The following MS4A6E variants were observed in gnomAD, a reference collection of about 807,000 sequenced individuals.
The protein encoded by MS4A6E is membrane-spanning 4-domains subfamily A member 6E.
Under a neutral mutation model 13.2 loss-of-function variants are expected in MS4A6E, and 8 were observed. The observed-to-expected ratio is 0.60, with a 90% confidence interval of 0.35 to 1.09. MS4A6E has a LOEUF of 1.09. Ranked by LOEUF, MS4A6E falls within the 50% of genes least tolerant of loss-of-function variation. MS4A6E has a pLI of 0.02. For synonymous variants in MS4A6E, 72 were observed against 67.6 expected (o/e 1.06, Z -0.32); for missense variants, 177 against 171.1 (o/e 1.03, Z -0.19).
At position 60,339,860 on chromosome 11, in the gene MS4A6E, T is replaced by C; in HGVS notation, c.355-6T>C. The C allele has an allele frequency of 6.2e-7, 1 of 1,612,862 alleles. No individual in the cohort carries two copies. The highest frequency in any genetic ancestry group is 8.5e-7 in the Non-Finnish European group (1 of 1,179,016). ...CATCACTGATATTTTATTTCTTGAC[T>C]TTCAGGGAACTCTGTCTCTGATGCT... On this transcript the variant is annotated splice_polypyrimidine_tract_variant and splice_region_variant and intron_variant, in intron 3 of 4. Coordinates refer to ENST00000684409, the MANE Select transcript of MS4A6E (RefSeq NM_139249.4).
At chr11:60,344,842 A>G (rs1032531940), downstream of MS4A6E, among the ~76,000 whole-genome samples, 2 of 152,154 alleles carry the variant, frequency 1.3e-5, no homozygotes, top group Non-Finnish European at 2.9e-5. Context: ...TAGCACTGTT[A>G]TCTTTCATGG....
intron 2 of MS4A6E, 73 bp from the exon 3 acceptor site, chr11:60,337,668 T>C (rs1285387591): frequency 1.3e-6 from 2 of 1,568,468 alleles, no homozygotes; most frequent in Non-Finnish European, 1.8e-6. Context: ...TAACTTGCAA[T>C]GTAATGGCAA....
At chr11:60,330,667 G>C (rs1164971378) in intron 1 of MS4A6E, among the ~76,000 whole-genome samples, 1 of 151,974 alleles carries the variant, frequency 6.6e-6, no homozygotes, top group Non-Finnish European at 1.5e-5. Context: ...AATTGCTTTT[G>C]GTTTTATTCA....
At chr11:60,337,076 A>C (rs1005634836) in intron 2 of MS4A6E, among the ~76,000 whole-genome samples, 1 of 151,858 alleles carries the variant, frequency 6.6e-6, no homozygotes, top group African/African-American at 2.4e-5. Flanking sequence ...TTGGGCCCGC[A>C]CCTAGACCTC....
At chr11:60,335,468 T>G (rs990695889) in intron 2 of MS4A6E, 1 of 416,430 alleles carries the variant, frequency 2.4e-6, no homozygotes, top group Non-Finnish European at 4.7e-6. Flanking sequence ...TGTTTTCTTC[T>G]TACCTTTTTG....
chr11:60,334,055 G>A (rs1258698565), intron 1 of MS4A6E, among the ~76,000 whole-genome samples: 2 of 152,228 alleles, frequency 1.3e-5, no homozygotes, highest in Non-Finnish European at 2.9e-5. Context: ...AGCAACAGGA[G>A]TGGGCCATGA....
In MS4A6E at chr11:60,337,855, G is replaced by C; in HGVS notation, c.262G>C (p.Asp88His). The C allele has an allele frequency of 6.2e-7, 1 of 1,614,154 alleles. No individual in the cohort carries two copies. The highest frequency in any genetic ancestry group is 1.1e-5 in the South Asian group (1 of 91,070). Reference protein sequence around the residue: ...LNPASLQCKLDEKDIPTRLLL... With the variant: ...LNPASLQCKLHEKDIPTRLLL... ...TCCTGCCTCATTGCAGTGTAAGTTG[G>C]ACGAAAAGGATATACCAACCAGACT... is the stretch of plus-strand genomic sequence containing the variant. The change falls in exon 3 of 5, where the codon GAC (aspartate) becomes CAC (histidine). Residue 88 changes from aspartate to histidine, a missense_variant. Transcript: ENST00000684409.
downstream of MS4A6E, among the ~76,000 whole-genome samples, chr11:60,344,577 A>G (rs1203671996): frequency 3.9e-5 from 6 of 152,242 alleles, no homozygotes; most frequent in Non-Finnish European, 8.8e-5. Context: ...TCCATTGGCT[A>G]GAGACTGGCA....
chr11:60,336,758 A>G (rs1269516971), intron 2 of MS4A6E, among the ~76,000 whole-genome samples: 1 of 151,860 alleles, frequency 6.6e-6, no homozygotes, highest in African/African-American at 2.4e-5. Context: ...ATTAAATAAC[A>G]CTCTACTGTA....
chr11:60,332,381 A>T (rs959924848), intron 1 of MS4A6E, among the ~76,000 whole-genome samples: 4 of 152,242 alleles, frequency 2.6e-5, no homozygotes, highest in African/African-American at 9.6e-5. Flanking sequence ...ATTATGTGTC[A>T]ATGCTCATTA....
intron 1 of MS4A6E, among the ~76,000 whole-genome samples, chr11:60,328,913 T>C (rs1228969534): frequency 6.6e-6 from 1 of 152,256 alleles, no homozygotes; most frequent in South Asian, 2.1e-4. Context: ...GCATTTTTGC[T>C]AAATGACTAG....
chr11:60,344,341 T>C (rs2085246552), downstream of MS4A6E, among the ~76,000 whole-genome samples: 1 of 152,240 alleles, frequency 6.6e-6, no homozygotes, highest in Admixed American at 6.5e-5. Context: ...CTTTGGCATG[T>C]GGGTGAAGTC....
At chr11:60,342,817 G>C (rs543268334), downstream of MS4A6E, among the ~76,000 whole-genome samples, 5 of 152,132 alleles carry the variant, frequency 3.3e-5, no homozygotes, top group African/African-American at 1.2e-4. Context: ...GATTTTTCAG[G>C]CTTCTTTTGC....
At chr11:60,343,638 AGT>A, downstream of MS4A6E, among the ~76,000 whole-genome samples, 1 of 152,268 alleles carries the variant, frequency 6.6e-6, no homozygotes, top group Non-Finnish European at 1.5e-5. Flanking sequence ...GTTAAAAAGA[AGT>A]GCTAATATCT....
At chr11:60,344,382 T>A (rs1019846982), downstream of MS4A6E, among the ~76,000 whole-genome samples, 12 of 152,220 alleles carry the variant, frequency 7.9e-5, no homozygotes, top group Admixed American at 3.9e-4. Flanking sequence ...GATAGCTTCC[T>A]ATTCTTTGGG....
intron 4 of MS4A6E, among the ~76,000 whole-genome samples, chr11:60,348,006 G>T (rs934781750): frequency 6.6e-5 from 10 of 152,276 alleles, no homozygotes; most frequent in East Asian, 3.9e-4. Flanking sequence ...AGCGATTCGG[G>T]TTAACTTCTG....
intron 4 of MS4A6E, among the ~76,000 whole-genome samples, chr11:60,347,705 T>C (rs2135069802): frequency 6.6e-6 from 1 of 152,206 alleles, no homozygotes; most frequent in East Asian, 1.9e-4. Flanking sequence ...CCCAGCACCT[T>C]GTTAAATGTG....
rs11230267 is a variant in MS4A6E at position 60,327,385 on chromosome 11, C to T, written c.-38C>T. ...GATGCTGAACCTGTGGCACCTTGAT[C>T]GTGGACTTCTCAGTTCCAAAACTGT... On this transcript the variant is annotated 5_prime_UTR_variant, in exon 1 of 5. Coordinates refer to ENST00000684409, the MANE Select transcript of MS4A6E (RefSeq NM_139249.4). Among the ~76,000 whole-genome samples, 53,000 of 152,082 alleles carry T rather than the reference C, an allele frequency of 0.35. 9,871 individuals are homozygous for T. The highest frequency in any genetic ancestry group is 0.41 in the East Asian group (2,116 of 5,172).
chr11:60,328,526 TACACACACACAC>T (rs35996897), intron 1 of MS4A6E, among the ~76,000 whole-genome samples: 103 of 145,726 alleles, frequency 7.1e-4, no homozygotes, highest in South Asian at 4.4e-4. Context: ...AACTGTGAGA[TACACACACACAC>T]ACACACACAC....
Sources: allele counts gnomAD v4.1 joint callset (sites outside exome capture counted in the v4.1 genomes callset), GRCh38; gene constraint gnomAD v4.1.1; transcripts MANE v1.5; gene names NCBI Gene and HGNC (gene_info 2026-07-23, HGNC 2026-07-21).